Variants in ACTA2 observed in about 807,000 individuals in gnomAD.
The protein encoded by ACTA2 is actin alpha 2, smooth muscle, also known as actin, aortic smooth muscle.
A neutral mutation model predicts 39.5 loss-of-function variants in ACTA2; 12 were observed. The ratio of observed to expected loss-of-function variants is 0.30; its 90% CI spans 0.19 to 0.49. ACTA2 has a LOEUF of 0.49. ACTA2 is among the 20% of genes least tolerant of loss of function. ACTA2 has a pLI of 0.99. For missense variants in ACTA2, 236 were observed against 498.8 expected (o/e 0.47, Z 5.02); for synonymous variants, 158 against 180.6 (o/e 0.88, Z 1.00).
At chr10:88,983,027 A>C (rs1189740469) in intron 1 of ACTA2, among the ~76,000 whole-genome samples, 1 of 152,168 alleles carries the variant, frequency 6.6e-6, no homozygotes, top group East Asian at 1.9e-4. Context: ...GAAATTCATA[A>C]CCTCATACTT....
chr10:88,941,210 T>C lies in ACTA2; in HGVS notation c.616+19A>G. The C allele has an allele frequency of 1.2e-6, 2 of 1,613,522 alleles. No individual in the cohort carries two copies. The highest frequency in any genetic ancestry group is 8.5e-7 in the Non-Finnish European group (1 of 1,179,674). ...CAACACACTGCTCCCCTCTCCCCCT[T>C]ATCTCCCACAGGCCTCACCAGTAGT... On this transcript the variant is annotated intron_variant, in intron 6 of 8. Coordinates refer to ENST00000224784, the MANE Select transcript of ACTA2 (RefSeq NM_001613.4).
Position 88,948,877 on chromosome 10 carries a change from G to A in ACTA2, c.54C>T (p.Leu18=). ...TALVCDNGSG[L]CKAGFAGDDA... ...CGTCCCCAGCAAAGCCGGCCTTACA[G>A]AGCCCAGAGCCATTGTCACACACCA... The change falls in exon 2 of 9, where the codon CTC becomes CTT. Residue 18 remains leucine (L), a synonymous_variant. Coordinates refer to ENST00000224784, the MANE Select transcript of ACTA2 (RefSeq NM_001613.4). The A allele has an allele frequency of 6.2e-7, 1 of 1,613,980 alleles. No individual in the cohort carries two copies. Among genetic ancestry groups the A allele is most frequent in the Non-Finnish European group, 8.5e-7 (1 of 1,179,898 alleles).
intron 3 of ACTA2, among the ~76,000 whole-genome samples, chr10:88,946,081 C>T (rs188581470): frequency 2.6e-5 from 4 of 152,162 alleles, no homozygotes; most frequent in African/African-American, 9.6e-5. Flanking sequence ...TTAATAAAAC[C>T]TAATAGGCAA....
chr10:88,983,144 G>A (rs746984356), intron 1 of ACTA2, among the ~76,000 whole-genome samples: 5 of 152,170 alleles, frequency 3.3e-5, no homozygotes, highest in Admixed American at 6.5e-5. Flanking sequence ...TGGCCACACT[G>A]TCTTAATTAG....
At chr10:88,979,557 C>T (rs1846658152) in intron 1 of ACTA2, among the ~76,000 whole-genome samples, 1 of 152,074 alleles carries the variant, frequency 6.6e-6, no homozygotes, top group African/African-American at 2.4e-5. Context: ...ATGTGAGAGT[C>T]TCACACTAGG....
In ACTA2 at chr10:88,935,365, A is replaced by G. The variant is rs372406288; in HGVS notation, c.992T>C (p.Ile331Thr). The G allele has an allele frequency of 1.9e-6, 3 of 1,613,736 alleles. No individual in the cohort carries two copies. Among genetic ancestry groups the G allele is most frequent in the Middle Eastern group, 1.7e-4 (1 of 6,056 alleles). The change falls in exon 9 of 9, where the codon ATC becomes ACC. Residue 331 changes from isoleucine to threonine, a missense_variant and splice_region_variant. Transcript: ENST00000224784. ...ALAPSTMKIK[I>T]IAPPERKYSV... ...GTATTTGCGCTCCGGAGGGGCAATG[A>G]TCTGTCAGTCAAGATGAAAAAGAAT...
chr10:88,946,097 T>G (rs942227867), intron 3 of ACTA2, among the ~76,000 whole-genome samples: 2 of 151,884 alleles, frequency 1.3e-5, no homozygotes, highest in African/African-American at 2.4e-5. Context: ...GGCAAGGACA[T>G]TTTTTTCCTT....
chr10:88,990,940 C>A lies in ACTA2; in HGVS notation c.-25G>T, dbSNP rs781677949. Reference sequence around the variant, plus strand: ...TCTCCTGCCCGGGTGGAGGCTTACCCCGTCTTAGTCCCGGGGATAGGCAAA... The same window carrying A: ...TCTCCTGCCCGGGTGGAGGCTTACCACGTCTTAGTCCCGGGGATAGGCAAA... On this transcript the variant is annotated splice_region_variant and 5_prime_UTR_variant, in exon 1 of 5. Transcript: ENST00000415557. The surrounding 1 kb of genome is among the most constrained non-coding windows in gnomAD (Gnocchi z 4.9). 6.2e-7 allele frequency: 1 copy of A among 1,613,944 alleles called. No homozygotes were observed. Among genetic ancestry groups the A allele is most frequent in the Non-Finnish European group, 8.5e-7 (1 of 1,179,928 alleles).
chr10:88,991,274 G>A (rs1049949370), exon 1 of ACTA2: 13 of 432,884 alleles, frequency 3.0e-5, no homozygotes, highest in South Asian at 4.5e-5. Context: ...GGTCGCTGGA[G>A]GGGGACCCCG....
At chr10:88,979,205 G>A (rs567549613) in intron 1 of ACTA2, among the ~76,000 whole-genome samples, 43 of 152,124 alleles carry the variant, frequency 2.8e-4, no homozygotes, top group African/African-American at 6.3e-4. Flanking sequence ...GTGTATGAGC[G>A]TAGGGATCTG....
At position 88,938,323 on chromosome 10, in the gene ACTA2, G is replaced by A. The variant is rs1845783884; in HGVS notation, c.809-81C>T. ...CATGGAAGACCAGACTTGAACATCTGGATGATCTTGCAGTGGACTGAGGCT... is the reference window on the plus strand; with the variant it reads ...CATGGAAGACCAGACTTGAACATCTAGATGATCTTGCAGTGGACTGAGGCT... On this transcript the variant is annotated intron_variant, in intron 7 of 8. Coordinates refer to ENST00000224784, the MANE Select transcript of ACTA2 (RefSeq NM_001613.4). The A allele has an allele frequency of 5.4e-6, 8 of 1,482,460 alleles. No individual in the cohort carries two copies. In the Admixed American group the frequency reaches 1.2e-4, roughly 22 times the overall value. The allele number at this position is 1,482,460 out of a possible 1,614,324, so 91.8% of individuals were successfully genotyped here.
upstream of ACTA2, among the ~76,000 whole-genome samples, chr10:88,956,911 G>A (rs945888891): frequency 1.3e-5 from 2 of 152,220 alleles, no homozygotes; most frequent in Non-Finnish European, 2.9e-5. Flanking sequence ...TCCCATGGTG[G>A]AAGAAAAGGT....
intron 1 of ACTA2, among the ~76,000 whole-genome samples, chr10:88,951,086 C>G (rs981827016): frequency 6.6e-6 from 1 of 152,146 alleles, no homozygotes; most frequent in Non-Finnish European, 1.5e-5. Context: ...TCCCACCCTT[C>G]TTTTCCCTTT....
At chr10:88,957,434 G>T (rs1297543997), upstream of ACTA2, among the ~76,000 whole-genome samples, 2 of 152,164 alleles carry the variant, frequency 1.3e-5, no homozygotes, top group Non-Finnish European at 2.9e-5. Context: ...AGCTTTAAAA[G>T]ATGTTTTAAA....
chr10:88,977,273 C>T (rs1846586769), intron 1 of ACTA2, among the ~76,000 whole-genome samples: 1 of 151,704 alleles, frequency 6.6e-6, no homozygotes, highest in African/African-American at 2.4e-5. Context: ...CCTAGGTTTT[C>T]TTCTAGGGTT....
At chr10:88,936,844 A>G (rs1195525498) in intron 8 of ACTA2, among the ~76,000 whole-genome samples, 1 of 152,162 alleles carries the variant, frequency 6.6e-6, no homozygotes, top group Non-Finnish European at 1.5e-5. Flanking sequence ...CATTTTTGCC[A>G]AATGTTATCA....
At chr10:88,989,995 G>C (rs937846126) in intron 1 of ACTA2, among the ~76,000 whole-genome samples, 2 of 152,184 alleles carry the variant, frequency 1.3e-5, no homozygotes, top group African/African-American at 4.8e-5. Context: ...AGAATTACAA[G>C]ATTTTTTTTT....
intron 1 of ACTA2, among the ~76,000 whole-genome samples, chr10:88,961,301 A>ATTAC (rs1846222791): frequency 6.6e-6 from 1 of 152,194 alleles, no homozygotes; most frequent in East Asian, 1.9e-4. Context: ...TGTCCATTGA[A>ATTAC]TTAAGTAAGT....
At chr10:88,940,104 T>C in intron 6 of ACTA2, 2 of 271,228 alleles carry the variant, frequency 7.4e-6, no homozygotes, top group South Asian at 7.9e-5. Flanking sequence ...GGATATCTTA[T>C]GCTGAATCAG....
Sources: allele counts gnomAD v4.1 joint callset (sites outside exome capture counted in the v4.1 genomes callset), GRCh38; gene constraint gnomAD v4.1.1; non-coding constraint Gnocchi (gnomAD v3.1); transcripts MANE v1.5; gene names NCBI Gene and HGNC (gene_info 2026-07-23, HGNC 2026-07-21).